The following DOCK4 variants were observed in gnomAD, a reference collection of about 807,000 sequenced individuals.
DOCK4 encodes dedicator of cytokinesis protein 4.
In DOCK4, 97 loss-of-function variants were observed where a neutral mutation model predicts 268.1. That is an observed-to-expected ratio of 0.36 (90% CI 0.31 to 0.43). The LOEUF (loss-of-function observed/expected upper bound fraction) is 0.43. Ranked by LOEUF, DOCK4 falls within the 20% of genes least tolerant of loss-of-function variation. The pLI is 1.00. For synonymous variants in DOCK4, 954 were observed against 887.2 expected (o/e 1.08, Z -1.34); for missense variants, 2,145 against 2,455.7 (o/e 0.87, Z 2.67).
At chr7:111,838,303 T>C (rs1435258512) in intron 25 of DOCK4, among the ~76,000 whole-genome samples, 2 of 152,072 alleles carry the variant, frequency 1.3e-5, no homozygotes, top group African/African-American at 2.4e-5. Flanking sequence ...TTACTGACTT[T>C]AAGATTTATT....
intron 1 of DOCK4, among the ~76,000 whole-genome samples, chr7:112,152,308 T>C (rs1816169187): frequency 6.6e-6 from 1 of 152,158 alleles, no homozygotes; most frequent in Non-Finnish European, 1.5e-5. Flanking sequence ...TGCTAAGGAC[T>C]TCAATATTAA....
At chr7:112,028,782 G>GCC (rs1220345034) in intron 1 of DOCK4, among the ~76,000 whole-genome samples, 1 of 152,178 alleles carries the variant, frequency 6.6e-6, no homozygotes, top group East Asian at 1.9e-4. Context: ...GCTACAAAAA[G>GCC]TCTCTAATTG....
intron 4 of DOCK4, among the ~76,000 whole-genome samples, chr7:111,997,502 G>A (rs1414605812): frequency 6.6e-5 from 10 of 152,138 alleles, no homozygotes. Context: ...ACATGCATAG[G>A]CTGTTTCCCT....
chr7:111,963,506 A>T (rs1416263107), intron 8 of DOCK4, among the ~76,000 whole-genome samples: 3 of 83,632 alleles, frequency 3.6e-5, no homozygotes, highest in Non-Finnish European at 6.3e-5. Context: ...GACCGGCTTA[A>T]GAAACGGCGC....
chr7:111,994,253 A>C, intron 4 of DOCK4, 22 bp from the exon 5 acceptor site: 1 of 1,478,400 alleles, frequency 6.8e-7, no homozygotes, highest in Non-Finnish European at 9.3e-7. Flanking sequence ...AAAAAGAAAA[A>C]GTATATATGT....
At chr7:112,011,915 C>A (rs1801359563) in intron 1 of DOCK4, among the ~76,000 whole-genome samples, 1 of 149,768 alleles carries the variant, frequency 6.7e-6, no homozygotes, top group Non-Finnish European at 1.5e-5. Flanking sequence ...TCAAAAGCCT[C>A]CTAGCACTTA....
chr7:112,055,741 C>T (rs1272039588), intron 1 of DOCK4, among the ~76,000 whole-genome samples: 1 of 151,962 alleles, frequency 6.6e-6, no homozygotes, highest in East Asian at 1.9e-4. Flanking sequence ...AACCCCGTCT[C>T]TACTAAAAAT....
intron 4 of DOCK4, among the ~76,000 whole-genome samples, chr7:111,998,049 A>G (rs1303365187): frequency 6.6e-6 from 1 of 152,192 alleles, no homozygotes; most frequent in Non-Finnish European, 1.5e-5. Context: ...CCATTTAGAG[A>G]AAGACACACT....
At chr7:111,759,688 A>T (rs1375980972) in intron 40 of DOCK4, among the ~76,000 whole-genome samples, 1 of 150,702 alleles carries the variant, frequency 6.6e-6, no homozygotes, top group Admixed American at 6.7e-5. Flanking sequence ...TTATACAGCA[A>T]TGATTAAAGG....
intron 21 of DOCK4, 92 bp downstream of exon 21, chr7:111,869,482 C>A: frequency 1.9e-6 from 2 of 1,041,906 alleles, no homozygotes; most frequent in African/African-American, 1.6e-5. Flanking sequence ...ACATCATCAC[C>A]CATTACTGTC....
chr7:112,079,702 C>A (rs937454607), intron 1 of DOCK4, among the ~76,000 whole-genome samples: 2 of 152,148 alleles, frequency 1.3e-5, no homozygotes, highest in African/African-American at 4.8e-5. Flanking sequence ...ATCAACTACT[C>A]TGTGCTTTAG....
chr7:111,933,294 ATATATTT>A (rs1794412453), intron 12 of DOCK4, among the ~76,000 whole-genome samples: 9 of 116,336 alleles, frequency 7.7e-5, no homozygotes, highest in South Asian at 2.6e-4. Flanking sequence ...ATATATATAT[ATATATTT>A]TTTTTTTTTT....
rs749332536 is a variant in DOCK4, at chr7:111,728,519, TCGGCACGGGCAC to T, written c.5671_5682del (p.Val1891_Pro1894del). On this transcript the variant is annotated inframe_deletion, in exon 53 of 53. Transcript: ENST00000428084. ...CGCACTGGCTCCTCCCCGCCGTAGC[TCGGCACGGGCAC>T]CGGCACTGGCACCGGCAGGGGGGCC... 167 of 1,613,662 alleles carry T rather than the reference TCGGCACGGGCAC, an allele frequency of 1.0e-4. No individual in the cohort carries two copies. Among genetic ancestry groups the T allele is most frequent in the East Asian group, 7.1e-4 (32 of 44,870 alleles).
intron 42 of DOCK4, among the ~76,000 whole-genome samples, chr7:111,753,708 G>T (rs945356741): frequency 1.3e-5 from 2 of 152,140 alleles, no homozygotes; most frequent in Non-Finnish European, 2.9e-5. Flanking sequence ...ACCTGTCCCT[G>T]TTCTTGAAGA....
At chr7:112,054,798 G>A (rs767101499) in intron 1 of DOCK4, among the ~76,000 whole-genome samples, 8 of 151,892 alleles carry the variant, frequency 5.3e-5, no homozygotes, top group Admixed American at 2.6e-4. Flanking sequence ...TACAATAGGC[G>A]GTATTTTCAA....
intron 25 of DOCK4, among the ~76,000 whole-genome samples, chr7:111,836,183 G>C (rs1406717889): frequency 6.6e-6 from 1 of 150,846 alleles, no homozygotes; most frequent in Non-Finnish European, 1.5e-5. Context: ...TGCTCACACA[G>C]GACTGGGAAT....
At chr7:112,103,980 T>C (rs1810917955) in intron 1 of DOCK4, among the ~76,000 whole-genome samples, 1 of 152,204 alleles carries the variant, frequency 6.6e-6, no homozygotes, top group South Asian at 2.1e-4. Flanking sequence ...AACCTGGTCC[T>C]GCATATCCTT....
chr7:112,188,931 C>T (rs768430294), intron 1 of DOCK4, among the ~76,000 whole-genome samples: 3 of 152,148 alleles, frequency 2.0e-5, no homozygotes, highest in Non-Finnish European at 2.9e-5. Flanking sequence ...TTCCTGGTAG[C>T]CCATGTCACA....
At position 111,911,985 on chromosome 7, in the gene DOCK4, C is replaced by T. The variant is rs548922943; in HGVS notation, c.1192+3794G>A. Among the ~76,000 whole-genome samples the T allele has an allele frequency of 2.7e-4, 41 of 152,172 alleles. No individual in the cohort carries two copies. In the South Asian group the frequency reaches 7.7e-3, roughly 29 times the overall value. On this transcript the variant is annotated intron_variant, in intron 13 of 52. Transcript: ENST00000428084. ...AAACAGTTCTATAAACAGTCATTTT[C>T]GACAACAGTACCATGAGATGCTCAG...
Sources: gnomAD v4.1 joint callset for allele counts (sites outside exome capture counted in the v4.1 genomes callset) on GRCh38, gnomAD v4.1.1 for gene constraint, MANE v1.5 for transcripts, NCBI Gene and HGNC (gene_info 2026-07-23, HGNC 2026-07-21) for gene names.